UTRN: variants seen among roughly 807,000 people sequenced by gnomAD.
UTRN encodes utrophin.
UTRN carries 283 observed loss-of-function variants against 463.9 expected under a neutral mutation model. The ratio of observed to expected loss-of-function variants is 0.61; its 90% CI spans 0.55 to 0.67. The LOEUF is 0.67. UTRN is among the 30% of genes least tolerant of loss of function. The pLI is 0.00. For missense variants in UTRN, 3,922 were observed against 4,084.3 expected (o/e 0.96, Z 1.08); for synonymous variants, 1,442 against 1,431.5 (o/e 1.01, Z -0.17).
intron 74 of UTRN, among the ~76,000 whole-genome samples, chr6:144,847,602 G>T (rs149877723): frequency 6.6e-6 from 1 of 152,188 alleles, no homozygotes; most frequent in East Asian, 1.9e-4. Context: ...TTTTCTCAGG[G>T]TGGGAGGAGA....
intron 9 of UTRN, among the ~76,000 whole-genome samples, chr6:144,434,692 C>T (rs1786358750): frequency 6.6e-6 from 1 of 152,076 alleles, no homozygotes; most frequent in Admixed American, 6.5e-5. Flanking sequence ...ACACAGTATA[C>T]AGTGGGGAGA....
intron 51 of UTRN, among the ~76,000 whole-genome samples, chr6:144,614,630 A>G (rs1260798162): frequency 6.6e-6 from 1 of 152,190 alleles, no homozygotes; most frequent in Non-Finnish European, 1.5e-5. Context: ...TTCCCTGAAC[A>G]TTGCAAGCTT....
intron 51 of UTRN, among the ~76,000 whole-genome samples, chr6:144,603,656 C>G (rs536640552): frequency 1.3e-5 from 2 of 152,110 alleles, no homozygotes; most frequent in African/African-American, 4.8e-5. Context: ...ATATTTTTCC[C>G]TAAGTATTTG....
rs574967441 is a variant in UTRN at position 144,423,971 on chromosome 6, G to A, written c.313-15G>A. ...AAAAGCGTTTTTGTTTTTGTTTTTTGTTTTGTCTTAATAGGTGGAATTAGT... is the reference window on the plus strand; with the variant it reads ...AAAAGCGTTTTTGTTTTTGTTTTTTATTTTGTCTTAATAGGTGGAATTAGT... On this transcript the variant is annotated splice_polypyrimidine_tract_variant and intron_variant, in intron 5 of 74. Transcript: ENST00000367545. The A allele has an allele frequency of 1.2e-6, 2 of 1,604,756 alleles. No homozygotes were observed. Among genetic ancestry groups the A allele is most frequent in the Non-Finnish European group, 1.7e-6 (2 of 1,177,550 alleles).
At chr6:144,540,209 T>A (rs1222056097) in intron 45 of UTRN, among the ~76,000 whole-genome samples, 1 of 149,592 alleles carries the variant, frequency 6.7e-6, no homozygotes, top group Non-Finnish European at 1.5e-5. Flanking sequence ...TATCTTTCCC[T>A]CCTACCATTA....
intron 52 of UTRN, among the ~76,000 whole-genome samples, chr6:144,695,777 G>C (rs1783941155): frequency 6.6e-6 from 1 of 152,172 alleles, no homozygotes; most frequent in South Asian, 2.1e-4. Flanking sequence ...TAGAAGACAG[G>C]CTGTCAGGAA....
At chr6:144,332,895 A>G (rs1179867027) in intron 2 of UTRN, among the ~76,000 whole-genome samples, 1 of 150,578 alleles carries the variant, frequency 6.6e-6, no homozygotes, top group Non-Finnish European at 1.5e-5. Context: ...TCTCATGCTG[A>G]TATTAACCTT....
chr6:144,612,565 G>A (rs962142590), intron 51 of UTRN, among the ~76,000 whole-genome samples: 3 of 152,054 alleles, frequency 2.0e-5, no homozygotes, highest in Admixed American at 6.6e-5. Context: ...TTTCCCAAAA[G>A]TAGATACAGA....
At chr6:144,538,352 A>G (rs1243173559) in intron 44 of UTRN, among the ~76,000 whole-genome samples, 1 of 152,136 alleles carries the variant, frequency 6.6e-6, no homozygotes, top group Non-Finnish European at 1.5e-5. Context: ...ACTCAGCATA[A>G]TGTGCTCACA....
At chr6:144,411,630 G>A (rs1350953326) in intron 3 of UTRN, among the ~76,000 whole-genome samples, 1 of 152,088 alleles carries the variant, frequency 6.6e-6, no homozygotes, top group Non-Finnish European at 1.5e-5. Context: ...TACTTGGTTT[G>A]GCATGTGTTT....
At position 144,817,897 on chromosome 6, in the gene UTRN, T is replaced by A. The variant is rs532179502; in HGVS notation, c.9358-2985T>A. Among the ~76,000 whole-genome samples, 13 of 152,326 alleles carry A rather than the reference T, an allele frequency of 8.5e-5. 1 individual carries two copies. In the South Asian group the frequency reaches 2.7e-3, roughly 32 times the overall value. On this transcript the variant is annotated intron_variant, in intron 65 of 74. Transcript: ENST00000367545. ...TTTAAAAACATGTAAATATGAGTAT[T>A]ATTAGAAACTCTAATTTCAATAACT... is the stretch of plus-strand genomic sequence containing the variant.
chr6:144,472,137 GA>G (rs758023958), intron 23 of UTRN, among the ~76,000 whole-genome samples: 7 of 152,166 alleles, frequency 4.6e-5, no homozygotes, highest in Non-Finnish European at 7.3e-5. Context: ...TTAGTTTTTA[GA>G]AGCAGAAGAT....
At chr6:144,688,183 G>A (rs754386590) in intron 52 of UTRN, among the ~76,000 whole-genome samples, 28 of 151,990 alleles carry the variant, frequency 1.8e-4, no homozygotes, top group South Asian at 4.1e-4. Context: ...TTTCCACTGC[G>A]TTTTGTAATT....
At chr6:144,430,618 G>A (rs6930893) in intron 9 of UTRN, among the ~76,000 whole-genome samples, 18,287 of 152,086 alleles carry the variant, frequency 0.12, 2,675 homozygotes, top group African/African-American at 0.35. Context: ...GCAAAATGTG[G>A]TTAAAACCAC....
At position 144,522,009 on chromosome 6, in the gene UTRN, T is replaced by C; in HGVS notation, c.5571T>C (p.Gly1857=). The C allele has an allele frequency of 1.3e-6, 2 of 1,576,552 alleles. No homozygotes were observed. The highest frequency in any genetic ancestry group is 1.7e-6 in the Non-Finnish European group (2 of 1,164,918). Residue 1857 remains glycine (G), a synonymous_variant, in exon 40 of 75, where the codon GGT becomes GGC. Coordinates refer to ENST00000367545, the MANE Select transcript of UTRN (RefSeq NM_007124.3). ...KAIPIQQRKM[G]QLASGIRSSL... is the part of the protein sequence containing the mutation. Reference sequence around the variant, plus strand: ...TCCCTATTCAACAGAGGAAAATGGGTCAACTTGCTTCTGGAATTAGATCAT... The same window carrying C: ...TCCCTATTCAACAGAGGAAAATGGGCCAACTTGCTTCTGGAATTAGATCAT...
At chr6:144,513,325 G>C (rs1331551333) in intron 35 of UTRN, among the ~76,000 whole-genome samples, 2 of 152,198 alleles carry the variant, frequency 1.3e-5, no homozygotes, top group East Asian at 3.9e-4. Context: ...GGCTGAGGAA[G>C]GTGGATCACA....
intron 54 of UTRN, among the ~76,000 whole-genome samples, chr6:144,732,234 A>ATGTG (rs1260256479): frequency 6.4e-5 from 2 of 31,036 alleles, no homozygotes; most frequent in African/African-American, 2.0e-4. Context: ...ATATATATAT[A>ATGTG]TATACATATA....
Position 144,488,847 on chromosome 6 carries a change from A to C in UTRN, c.4134+13A>C. 1 of 1,578,148 alleles carries C rather than the reference A, an allele frequency of 6.3e-7. No homozygotes were observed. Among genetic ancestry groups the C allele is most frequent in the Non-Finnish European group, 8.6e-7 (1 of 1,158,360 alleles). ...ACAGGAAGCTCAGGTATTGCCGTGC[A>C]TTTGAGGGCTTTTGAGCTGTAAAGA... is the stretch of plus-strand genomic sequence containing the variant. On this transcript the variant is annotated intron_variant, in intron 30 of 74. Transcript: ENST00000367545.
intron 49 of UTRN, among the ~76,000 whole-genome samples, chr6:144,555,486 G>A (rs1534436): frequency 0.27 from 40,794 of 152,140 alleles, 5,958 homozygotes; most frequent in East Asian, 0.6. Flanking sequence ...AGGCTGGAAT[G>A]CAGTGGCACT....
Sources: gnomAD v4.1 joint callset for allele counts (sites outside exome capture counted in the v4.1 genomes callset) on GRCh38, gnomAD v4.1.1 for gene constraint, MANE v1.5 for transcripts, NCBI Gene and HGNC (gene_info 2026-07-23, HGNC 2026-07-21) for gene names.